Variants in ACACA observed in about 807,000 individuals in gnomAD.
ACACA encodes the protein acetyl-CoA carboxylase 1.
A neutral mutation model predicts 296.1 loss-of-function variants in ACACA; 103 were observed. The observed-to-expected ratio is 0.35, with a 90% CI of 0.30 to 0.41. The LOEUF (loss-of-function observed/expected upper bound fraction) is 0.41, where lower values mean the gene tolerates loss of function less well. Ranked by LOEUF, ACACA falls within the 10% of genes least tolerant of loss-of-function variation. ACACA has a pLI of 1.00. For missense variants in ACACA, 1,554 were observed against 2,989.7 expected (o/e 0.52, Z 11.20); for synonymous variants, 953 against 1,038.6 (o/e 0.92, Z 1.58).
intron 15 of ACACA, 140 bp from the exon 16 acceptor site, chr17:37,252,248 A>G: frequency 1.4e-6 from 1 of 735,324 alleles, no homozygotes; most frequent in Admixed American, 2.0e-5. Context: ...CTGATTTTTT[A>G]GATAAAAATG....
At chr17:37,377,594 A>G (rs1340590324) in intron 1 of ACACA, among the ~76,000 whole-genome samples, 1 of 152,020 alleles carries the variant, frequency 6.6e-6, no homozygotes, top group Non-Finnish European at 1.5e-5. Flanking sequence ...CAGGAGGTGA[A>G]TGTTGCAATG....
At chr17:37,096,280 G>C (rs1236883498) in intron 54 of ACACA, among the ~76,000 whole-genome samples, 1 of 152,134 alleles carries the variant, frequency 6.6e-6, no homozygotes, top group Admixed American at 6.5e-5. Flanking sequence ...CAAACTCCTT[G>C]ACAGCTTACA....
At chr17:37,345,654 G>C (rs942690456) in intron 1 of ACACA, among the ~76,000 whole-genome samples, 5 of 152,184 alleles carry the variant, frequency 3.3e-5, no homozygotes. Context: ...GGGTCGAGGG[G>C]AGGGGAAAGC....
At chr17:37,126,317 G>A (rs1367781511) in intron 47 of ACACA, among the ~76,000 whole-genome samples, 2 of 152,092 alleles carry the variant, frequency 1.3e-5, no homozygotes, top group Admixed American at 6.5e-5. Context: ...CGCTACAAAA[G>A]CAACAAGATA....
intron 3 of ACACA, chr17:37,299,241 G>A (rs2083499174): frequency 6.3e-7 from 1 of 1,592,958 alleles, no homozygotes; most frequent in East Asian, 2.2e-5. Context: ...TTTTTTTAAA[G>A]ATATATATAT....
chr17:37,391,444 T>C (rs2050880999), intron 1 of ACACA, among the ~76,000 whole-genome samples: 1 of 152,184 alleles, frequency 6.6e-6, no homozygotes, highest in Non-Finnish European at 1.5e-5. Context: ...TAGTGGGTTA[T>C]AGGTTCCAAG....
chr17:37,405,114 T>C (rs1307128851), intron 1 of ACACA, among the ~76,000 whole-genome samples: 1 of 152,192 alleles, frequency 6.6e-6, no homozygotes. Context: ...AGTTTCCCTC[T>C]AGAAATCCAT....
intron 1 of ACACA, among the ~76,000 whole-genome samples, chr17:37,351,724 A>G (rs2048910258): frequency 6.6e-6 from 1 of 152,144 alleles, no homozygotes; most frequent in African/African-American, 2.4e-5. Context: ...TCCAAAAACA[A>G]CAAAAAGGAG....
rs139655442 is a variant in ACACA, at chr17:37,210,475, C to T, written c.3699G>A (p.Thr1233=). 24 of 1,612,156 alleles carry T rather than the reference C, an allele frequency of 1.5e-5. No homozygotes were observed. In the Admixed American group the frequency reaches 2.5e-4, roughly 17 times the overall value. ...AACTAAACATACGGTACCTGTTTAG[C>T]GTAGGGATGTTCCCTCTGTAATTAA... ...TSHPNRGNIP[T]LNRMSFSSNL... The change falls in exon 30 of 56, where the codon ACG becomes ACA. Residue 1233 remains threonine, a synonymous_variant. Transcript: ENST00000616317.
At chr17:37,224,958 G>A (rs773095200) in intron 27 of ACACA, 34 bp downstream of exon 27, 14 of 1,021,662 alleles carry the variant, frequency 1.4e-5, no homozygotes, top group Non-Finnish European at 1.9e-5. Context: ...CAGATAGGCA[G>A]GAAAGGGTTA....
At chr17:37,403,948 T>C (rs1194359394) in intron 1 of ACACA, among the ~76,000 whole-genome samples, 1 of 152,050 alleles carries the variant, frequency 6.6e-6, no homozygotes, top group African/African-American at 2.4e-5. Context: ...AATTGTTGCA[T>C]TTTTAGCAGA....
chr17:37,384,522 G>A (rs753935475), intron 1 of ACACA, among the ~76,000 whole-genome samples: 1 of 151,746 alleles, frequency 6.6e-6, no homozygotes, highest in Non-Finnish European at 1.5e-5. Flanking sequence ...CTGTGAAATA[G>A]GTAGAGCAAG....
chr17:37,323,612 C>T (rs576500791), intron 3 of ACACA, among the ~76,000 whole-genome samples: 37 of 152,236 alleles, frequency 2.4e-4, no homozygotes, highest in Non-Finnish European at 4.1e-4. Context: ...AAAACCCATA[C>T]ATTTAGCATA....
chr17:37,246,799 A>T (rs368493136), intron 19 of ACACA, 27 bp downstream of exon 19: 3 of 1,612,446 alleles, frequency 1.9e-6, no homozygotes, highest in Non-Finnish European at 2.5e-6. Context: ...CCCTCCCATG[A>T]TCCCACAGTC....
chr17:37,105,493 C>T (rs1483616357), intron 52 of ACACA, among the ~76,000 whole-genome samples: 1 of 151,402 alleles, frequency 6.6e-6, no homozygotes, highest in Non-Finnish European at 1.5e-5. Context: ...AAAAACAAAA[C>T]CAAAACAGTT....
intron 1 of ACACA, chr17:37,377,758 C>T: frequency 1.6e-6 from 1 of 610,230 alleles, no homozygotes; most frequent in South Asian, 2.9e-5. Context: ...GTTTTATGAG[C>T]AGGAACTGCA....
intron 45 of ACACA, among the ~76,000 whole-genome samples, chr17:37,142,313 G>A (rs1171097798): frequency 6.6e-6 from 1 of 152,124 alleles, no homozygotes; most frequent in African/African-American, 2.4e-5. Flanking sequence ...ATTGTTGGCA[G>A]GTCACTAAGG....
chr17:37,118,348 A>G (rs1009611765), intron 50 of ACACA, among the ~76,000 whole-genome samples: 3 of 152,118 alleles, frequency 2.0e-5, no homozygotes, highest in Non-Finnish European at 4.4e-5. Context: ...AGTGATAGTT[A>G]CACAACACTG....
In ACACA at chr17:37,363,983, G is replaced by A. The variant is rs548478831; in HGVS notation, c.39-24133C>T. Among the ~76,000 whole-genome samples, 36 of 152,228 alleles carry A rather than the reference G, an allele frequency of 2.4e-4. 1 individual carries two copies. Among genetic ancestry groups the A allele is most frequent in the African/African-American group, 8.4e-4 (35 of 41,560 alleles). ...ACTAAAAATACAAAAAATTAGCTGG[G>A]CATGGTGGCAGGCGCCTGTAATCCC... On this transcript the variant is annotated intron_variant, in intron 1 of 55. Coordinates refer to ENST00000616317, the MANE Select transcript of ACACA (RefSeq NM_198834.3).
Sources: gnomAD v4.1 joint callset for allele counts (sites outside exome capture counted in the v4.1 genomes callset) on GRCh38, gnomAD v4.1.1 for gene constraint, MANE v1.5 for transcripts, NCBI Gene and HGNC (gene_info 2026-07-23, HGNC 2026-07-21) for gene names.